Variants in NBEAL1 observed in about 807,000 individuals in gnomAD.
The protein encoded by NBEAL1 is neurobeachin-like protein 1.
In NBEAL1, 273 loss-of-function variants were observed where a neutral mutation model predicts 351.3. The observed-to-expected ratio is 0.78, with a 90% CI of 0.70 to 0.86. The LOEUF is 0.86. Ranked by LOEUF, NBEAL1 falls within the 40% of genes least tolerant of loss-of-function variation. NBEAL1 has a pLI of 0.00. For synonymous variants in NBEAL1, 1,050 were observed against 1,086.4 expected, an observed-to-expected ratio of 0.97 and a Z score of 0.66; for missense variants, 2,961 against 3,201.3, an observed-to-expected ratio of 0.92 and a Z score of 1.81.
rs2062940373 is a variant in NBEAL1, at chr2:203,126,570, T to C, written c.2999T>C (p.Leu1000Ser). Residue 1000 changes from leucine to serine, a missense_variant, in exon 22 of 56, where the codon TTG becomes TCG. Physicochemically the swap from Leu to Ser is moderately radical, Grantham distance 145. Transcript: ENST00000683969. ...GALLQKVPST[L>S]MDVNVLMAVQ... ...GTTTGGTTTCAGGTGCCAAGCACCT[T>C]GATGGATGTTAATGTGTTGATGGCA... 4 of 1,469,108 alleles carry C rather than the reference T, an allele frequency of 2.7e-6. No homozygotes were observed. The African/African-American group carries it at 5.7e-5, about 21-fold the overall frequency. The allele number at this position is 1,469,108 out of a possible 1,614,324, so 91.0% of individuals were successfully genotyped here. A position where few individuals can be genotyped will look rare whatever the true frequency, so the allele number is the denominator to read the frequency against.
intron 2 of NBEAL1, among the ~76,000 whole-genome samples, chr2:203,018,339 T>C (rs961138751): frequency 6.6e-6 from 1 of 151,750 alleles, no homozygotes; most frequent in Non-Finnish European, 1.5e-5. Context: ...TATGAAAATA[T>C]TTTCTACCAC....
intron 51 of NBEAL1, among the ~76,000 whole-genome samples, chr2:203,208,249 G>A (rs1019332740): frequency 2.0e-5 from 3 of 151,950 alleles, no homozygotes; most frequent in Non-Finnish European, 4.4e-5. Flanking sequence ...TCATGCCACC[G>A]CACTCCAGCC....
intron 52 of NBEAL1, among the ~76,000 whole-genome samples, 154 bp downstream of exon 52, chr2:203,208,907 A>G (rs1456087225): frequency 6.6e-6 from 1 of 152,224 alleles, no homozygotes; most frequent in Admixed American, 6.5e-5. Flanking sequence ...AGACTTTGCA[A>G]AATAAAGAAA....
chr2:203,046,967 G>A (rs956333262), intron 3 of NBEAL1, among the ~76,000 whole-genome samples: 2 of 152,164 alleles, frequency 1.3e-5, no homozygotes, highest in South Asian at 4.1e-4. Context: ...CTGAGGTCGG[G>A]ATTTCGAGAC....
chr2:203,110,767 C>CTTTTTT (rs71034215), intron 15 of NBEAL1, among the ~76,000 whole-genome samples: 1 of 106,730 alleles, frequency 9.4e-6, no homozygotes, highest in Non-Finnish European at 1.8e-5. Context: ...TTTCTTTTTT[C>CTTTTTT]TTTTTTTTTT....
At chr2:203,018,982 A>G (rs968196057) in intron 2 of NBEAL1, among the ~76,000 whole-genome samples, 18 of 152,326 alleles carry the variant, frequency 1.2e-4, no homozygotes, top group African/African-American at 4.3e-4. Context: ...CAAAGTATAC[A>G]TGTATTTTGT....
intron 41 of NBEAL1, among the ~76,000 whole-genome samples, chr2:203,174,933 A>G (rs1406730113): frequency 6.6e-6 from 1 of 151,942 alleles, no homozygotes; most frequent in African/African-American, 2.4e-5. Context: ...TTAAGTGTTT[A>G]TGATATTTTG....
In NBEAL1 at chr2:203,221,697, T is replaced by C. The variant is rs2065955849; in HGVS notation, c.*4343T>C. Among the ~76,000 whole-genome samples the C allele has an allele frequency of 6.6e-6, 1 of 152,228 alleles. No homozygotes were observed. Among genetic ancestry groups the C allele is most frequent in the South Asian group, 2.1e-4 (1 of 4,834 alleles). The stretch of plus-strand genomic sequence containing the variant: ...ACAAAATCCATTCTCAATATTCTTT[T>C]TGCTGAATTCGTATATTGTATATGC... On this transcript the variant is annotated 3_prime_UTR_variant, in exon 56 of 56. Transcript: ENST00000683969.
rs953577952 is a variant in NBEAL1 at position 203,159,084 on chromosome 2, GCTTGGATTACAGGC to G, written c.5714+1261_5714+1274del. Among the ~76,000 whole-genome samples, 5 of 152,148 alleles carry G rather than the reference GCTTGGATTACAGGC, an allele frequency of 3.3e-5. No homozygotes were observed. The East Asian group carries it at 9.6e-4, about 29-fold the overall frequency. On this transcript the variant is annotated intron_variant, in intron 36 of 55. Transcript: ENST00000683969. Reference sequence around the variant, plus strand: ...TCCTCCCGTCTTGGTTTCCCAAAGTGCTTGGATTACAGGCCACCAGAGAGTGAGCCGCTGCACCC... The same window carrying G: ...TCCTCCCGTCTTGGTTTCCCAAAGTGCACCAGAGAGTGAGCCGCTGCACCC...
At chr2:203,034,159 C>CTTTTTT (rs1166429847) in intron 2 of NBEAL1, among the ~76,000 whole-genome samples, 1 of 135,016 alleles carries the variant, frequency 7.4e-6, no homozygotes, top group Non-Finnish European at 1.6e-5. Flanking sequence ...TTGGCCTGTA[C>CTTTTTT]TTTTTTTTTT....
intron 19 of NBEAL1, 45 bp downstream of exon 19, chr2:203,122,388 G>T (rs1439945804): frequency 8.4e-7 from 1 of 1,185,378 alleles, no homozygotes; most frequent in Non-Finnish European, 1.2e-6. Flanking sequence ...ATAATTTACT[G>T]ATACTCTTAT....
chr2:203,124,368 A>G (rs1431358003), intron 19 of NBEAL1, among the ~76,000 whole-genome samples: 1 of 152,156 alleles, frequency 6.6e-6, no homozygotes, highest in Non-Finnish European at 1.5e-5. Flanking sequence ...AGTAGCAGAT[A>G]TGTAGGATGA....
At chr2:203,108,776 T>G (rs1367047742) in intron 14 of NBEAL1, among the ~76,000 whole-genome samples, 1 of 152,132 alleles carries the variant, frequency 6.6e-6, no homozygotes, top group Non-Finnish European at 1.5e-5. Context: ...GGGCCAGGTG[T>G]GGTGGCACAC....
intron 2 of NBEAL1, among the ~76,000 whole-genome samples, chr2:203,032,288 G>A (rs892177887): frequency 1.3e-5 from 2 of 152,138 alleles, no homozygotes; most frequent in Non-Finnish European, 1.5e-5. Flanking sequence ...GATAATAAAT[G>A]TTTGTTGGTT....
intron 10 of NBEAL1, among the ~76,000 whole-genome samples, chr2:203,095,898 A>C (rs538105647): frequency 6.6e-6 from 1 of 151,708 alleles, no homozygotes. Flanking sequence ...TCAGCCTCCC[A>C]AGTAGCTGGG....
At position 203,049,953 on chromosome 2, in the gene NBEAL1, A is replaced by T. The variant is rs772859153; in HGVS notation, c.283A>T (p.Lys95Ter). ...GCAAGCCTTGTCAATTTTGCTTGTC[A>T]AGTTCTTCATTATTCTTTGCAGGTA... The part of the protein sequence containing the change: ...QQQALSILLV[K>*]FFIILCRNLS... Residue 95 changes from lysine (K) to a stop codon, truncating the protein, a stop_gained, in exon 4 of 56, where the codon AAG becomes TAG. Transcript: ENST00000683969. LOFTEE classifies it high-confidence loss of function. 1 of 1,553,026 alleles carries T rather than the reference A, an allele frequency of 6.4e-7. No individual in the cohort carries two copies. The highest frequency in any genetic ancestry group is 1.2e-5 in the South Asian group (1 of 84,144).
chr2:203,126,129 A>C (rs2062931613), intron 21 of NBEAL1, 36 bp downstream of exon 21: 1 of 1,496,560 alleles, frequency 6.7e-7, no homozygotes, highest in African/African-American at 1.4e-5. Flanking sequence ...TGTAGCTAAT[A>C]ATTGTGATTT....
In NBEAL1 at chr2:203,219,409, C is replaced by T. The variant is rs934457425; in HGVS notation, c.*2055C>T. On this transcript the variant is annotated 3_prime_UTR_variant, in exon 56 of 56. Coordinates refer to ENST00000683969, the MANE Select transcript of NBEAL1 (RefSeq NM_001378026.1). ...AAATGCCTAAGTTTATGATGTTTTA[C>T]TATGCTGCTTTTTAGATGGAAGAAA... 6.6e-6 allele frequency: 1 copy of T among 151,904 alleles called. No individual in the cohort carries two copies. The highest frequency in any genetic ancestry group is 1.5e-5 in the Non-Finnish European group (1 of 67,988). 9.4% of individuals were successfully genotyped at this position (151,904 alleles called of 1,614,324 possible).
chr2:203,100,698 C>T (rs1321547224), intron 12 of NBEAL1, among the ~76,000 whole-genome samples: 1 of 151,986 alleles, frequency 6.6e-6, no homozygotes, highest in Non-Finnish European at 1.5e-5. Flanking sequence ...AGGTGTGCAC[C>T]ACCACAGCCC....
Sources: allele counts gnomAD v4.1 joint callset (sites outside exome capture counted in the v4.1 genomes callset), GRCh38; gene constraint gnomAD v4.1.1; transcripts MANE v1.5; gene names NCBI Gene and HGNC (gene_info 2026-07-23, HGNC 2026-07-21).